Variants in WDR27 observed in about 807,000 individuals in gnomAD.
WDR27 encodes WD repeat-containing protein 27.
WDR27 carries 100 observed loss-of-function variants against 114.4 expected under a neutral mutation model. The observed-to-expected ratio is 0.87, with a 90% CI of 0.74 to 1.03. The LOEUF (loss-of-function observed/expected upper bound fraction) is 1.03. Among genes scored for constraint, WDR27 ranks in the 50% least tolerant of loss-of-function variants. The pLI, the probability that WDR27 is intolerant of heterozygous loss-of-function variation, is 0.00. For synonymous variants in WDR27, 449 were observed against 423.1 expected (o/e 1.06, Z -0.75); for missense variants, 1,129 against 1,092.9 (o/e 1.03, Z -0.47).
Position 169,659,674 on chromosome 6 carries a change from C to T in WDR27, c.1130-156G>A, listed in dbSNP as rs1030055765. Among the ~76,000 whole-genome samples the T allele has an allele frequency of 6.6e-6, 1 of 151,940 alleles. No homozygotes were observed. Among genetic ancestry groups the T allele is most frequent in the African/African-American group, 2.4e-5 (1 of 41,342 alleles). ...TTGCAGGCTGTGCACCACATCCTCA[C>T]ACATACAAGGCCCCAGGCCACACAC... On this transcript the variant is annotated intron_variant, in intron 10 of 25. Coordinates refer to ENST00000448612, the MANE Select transcript of WDR27 (RefSeq NM_182552.5). This position sits in a 1 kb window ranked among gnomAD's most constrained non-coding sequence, Gnocchi z 4.3.
intron 24 of WDR27, among the ~76,000 whole-genome samples, chr6:169,579,288 G>A (rs1373691239): frequency 1.3e-5 from 2 of 152,164 alleles, no homozygotes; most frequent in Non-Finnish European, 2.9e-5. Context: ...TAAGCCATTT[G>A]TCAAAACAGC....
intron 21 of WDR27, among the ~76,000 whole-genome samples, chr6:169,629,296 AATTTTT>A (rs1562745801): frequency 6.6e-6 from 1 of 152,184 alleles, no homozygotes; most frequent in Non-Finnish European, 1.5e-5. Flanking sequence ...CATCTGAAAC[AATTTTT>A]AAAAATTTGG....
intron 25 of WDR27, among the ~76,000 whole-genome samples, chr6:169,563,211 C>T (rs1451280926): frequency 6.6e-6 from 1 of 152,162 alleles, no homozygotes; most frequent in African/African-American, 2.4e-5. Flanking sequence ...GCTGCTCTGC[C>T]AGCCGCAGTT....
chr6:169,580,990 T>G (rs1803307034), intron 24 of WDR27, among the ~76,000 whole-genome samples: 1 of 148,478 alleles, frequency 6.7e-6, no homozygotes, highest in East Asian at 2.0e-4. Flanking sequence ...ATGATATCAT[T>G]ATCCTTAATG....
At chr6:169,551,125 C>G (rs1390850152) in intron 25 of WDR27, among the ~76,000 whole-genome samples, 2 of 152,154 alleles carry the variant, frequency 1.3e-5, no homozygotes, top group African/African-American at 4.8e-5. Context: ...GGCGTTTGAG[C>G]TGGCATGTCC....
intron 25 of WDR27, among the ~76,000 whole-genome samples, chr6:169,464,919 T>C (rs1441333675): frequency 2.6e-5 from 4 of 151,542 alleles, no homozygotes; most frequent in African/African-American, 4.9e-5. Context: ...GGTCAGGAGT[T>C]CAAGACCAGC....
At chr6:169,466,831 T>C (rs570864501) in intron 25 of WDR27, among the ~76,000 whole-genome samples, 47 of 152,238 alleles carry the variant, frequency 3.1e-4, no homozygotes, top group Middle Eastern at 3.4e-3. Flanking sequence ...TTTCCAACAG[T>C]CCCCCAAAGT....
At chr6:169,534,317 T>G (rs1486072283) in intron 25 of WDR27, among the ~76,000 whole-genome samples, 1 of 152,216 alleles carries the variant, frequency 6.6e-6, no homozygotes, top group Non-Finnish European at 1.5e-5. Context: ...TTTTTGTATT[T>G]CTATTCACAG....
At chr6:169,632,745 C>T (rs76871642) in intron 21 of WDR27, among the ~76,000 whole-genome samples, 17 of 152,204 alleles carry the variant, frequency 1.1e-4, no homozygotes, top group Admixed American at 7.8e-4. Flanking sequence ...CAAACACAAA[C>T]GTAGAAAACT....
chr6:169,649,228 C>A lies in WDR27; in HGVS notation c.1529G>T (p.Gly510Val). The change falls in exon 15 of 26, where the codon GGA (glycine) becomes GTA (valine). Residue 510 changes from glycine (G) to valine (V), a missense_variant. Coordinates refer to ENST00000448612, the MANE Select transcript of WDR27 (RefSeq NM_182552.5). ...PKTNIKSEGK[G>V]SSRSRSSCAR... ...GCAGCTGCTCCTGCTCCTTGAAGAT[C>A]CTTTCCCCTCACTCTTGATGTTGGT... 2 of 1,578,270 alleles carry A rather than the reference C, an allele frequency of 1.3e-6. No homozygotes were observed. Among genetic ancestry groups the A allele is most frequent in the Non-Finnish European group, 1.7e-6 (2 of 1,161,298 alleles).
At chr6:169,479,036 C>T (rs1374917414) in intron 25 of WDR27, among the ~76,000 whole-genome samples, 1 of 152,044 alleles carries the variant, frequency 6.6e-6, no homozygotes, top group Non-Finnish European at 1.5e-5. Flanking sequence ...AAAGCAATTG[C>T]AACAAAAGCA....
intron 24 of WDR27, among the ~76,000 whole-genome samples, chr6:169,575,477 T>C (rs1391174740): frequency 1.3e-5 from 2 of 152,076 alleles, no homozygotes; most frequent in Non-Finnish European, 2.9e-5. Flanking sequence ...TTCTGTAACA[T>C]GTGTTTTATC....
chr6:169,596,791 T>C (rs749097319), intron 23 of WDR27, among the ~76,000 whole-genome samples: 9 of 152,122 alleles, frequency 5.9e-5, no homozygotes, highest in Non-Finnish European at 1.0e-4. Flanking sequence ...TTTAAACACA[T>C]AGTATTTACA....
intron 21 of WDR27, among the ~76,000 whole-genome samples, chr6:169,626,899 T>A (rs1814998476): frequency 6.6e-6 from 1 of 152,232 alleles, no homozygotes; most frequent in African/African-American, 2.4e-5. Context: ...ACAGCACCAC[T>A]GGGCAGTGCC....
intron 21 of WDR27, among the ~76,000 whole-genome samples, chr6:169,618,040 A>C (rs1388393461): frequency 1.3e-5 from 2 of 152,206 alleles, no homozygotes; most frequent in Non-Finnish European, 2.9e-5. Flanking sequence ...CTAGGGAAAG[A>C]CCCATACCAA....
intron 2 of WDR27, among the ~76,000 whole-genome samples, chr6:169,680,778 A>G (rs1781318442): frequency 6.6e-6 from 1 of 152,334 alleles, no homozygotes; most frequent in South Asian, 2.1e-4. Context: ...AAAGTAGCCA[A>G]AGAAGATTTC....
intron 25 of WDR27, among the ~76,000 whole-genome samples, chr6:169,462,719 A>C (rs1386020348): frequency 6.6e-6 from 1 of 152,202 alleles, no homozygotes; most frequent in Non-Finnish European, 1.5e-5. Flanking sequence ...TCCTCAACAA[A>C]ATACTAGCAA....
rs369797685 is a variant in WDR27, at chr6:169,645,036, T to TAAAAAAAAAAAAAAAAAAAAAA, written c.1658-1272_1658-1251dup. Among the ~76,000 whole-genome samples the TAAAAAAAAAAAAAAAAAAAAAA allele has an allele frequency of 3.2e-4, 25 of 76,952 alleles. 1 individual carries two copies. The highest frequency in any genetic ancestry group is 5.0e-4 in the Non-Finnish European group (20 of 39,998). 50.5% of individuals were successfully genotyped at this position (76,952 alleles called of 152,430 possible). A position where few individuals can be genotyped will look rare whatever the true frequency, so the allele number is the denominator to read the frequency against. On this transcript the variant is annotated intron_variant, in intron 16 of 25. Coordinates refer to ENST00000448612, the MANE Select transcript of WDR27 (RefSeq NM_182552.5). ...AAAAAAAAAAAATAAAAAAAAAAAA[T>TAAAAAAAAAAAAAAAAAAAAAA]AAAAAAAAAAAAAAAAAAAAAAGAA...
At position 169,636,352 on chromosome 6, in the gene WDR27, C is replaced by A; in HGVS notation, c.2003+19G>T. ...CTTCCTGTGATCTAAAAATAATGCA[C>A]AGGGCGGGGGGTGCCTACCTCTTAA... is the stretch of plus-strand genomic sequence containing the variant. On this transcript the variant is annotated intron_variant, in intron 19 of 25. Transcript: ENST00000448612. 1 of 1,606,716 alleles carries A rather than the reference C, an allele frequency of 6.2e-7. No individual in the cohort carries two copies. Among genetic ancestry groups the A allele is most frequent in the African/African-American group, 1.3e-5 (1 of 74,622 alleles).
Sources: allele counts gnomAD v4.1 joint callset (sites outside exome capture counted in the v4.1 genomes callset), GRCh38; gene constraint gnomAD v4.1.1; non-coding constraint Gnocchi (gnomAD v3.1); transcripts MANE v1.5; gene names NCBI Gene and HGNC (gene_info 2026-07-23, HGNC 2026-07-21).